CHD9: variants seen among roughly 807,000 people sequenced by gnomAD.
The protein encoded by CHD9 is chromodomain helicase DNA binding protein 9.
In CHD9, 77 loss-of-function variants were observed where a neutral mutation model predicts 316.1. That is an observed-to-expected ratio of 0.24 (90% CI 0.20 to 0.29). The LOEUF (loss-of-function observed/expected upper bound fraction) is 0.29. Among genes scored for constraint, CHD9 ranks in the 10% least tolerant of loss-of-function variants. The probability of loss-of-function intolerance (pLI) is 1.00; values close to 1 mark genes in which losing one functional copy is unlikely to be tolerated. For synonymous variants in CHD9, 1,129 were observed against 1,158.3 expected, an observed-to-expected ratio of 0.97 and a Z score of 0.51; for missense variants, 2,763 against 3,438.1, an observed-to-expected ratio of 0.80 and a Z score of 4.91.
chr16:53,204,043 A>AT, intron 2 of CHD9, among the ~76,000 whole-genome samples: 1 of 104,930 alleles, frequency 9.5e-6, no homozygotes, highest in African/African-American at 3.6e-5. Flanking sequence ...AAAAAAAAAA[A>AT]AAAAAATATA....
intron 2 of CHD9, among the ~76,000 whole-genome samples, chr16:53,174,668 G>A (rs772168040): frequency 3.3e-5 from 5 of 152,084 alleles, no homozygotes; most frequent in African/African-American, 4.8e-5. Context: ...GAGTGCAGTG[G>A]CGCGATCATG....
At chr16:53,227,522 C>A in intron 6 of CHD9, 26 bp from the exon 7 acceptor site, 2 of 1,475,088 alleles carry the variant, frequency 1.4e-6, no homozygotes, top group South Asian at 2.6e-5. Flanking sequence ...TTAAAAGAGT[C>A]ACCATTACTG....
At chr16:53,105,289 T>C (rs540916515) in intron 1 of CHD9, among the ~76,000 whole-genome samples, 8 of 152,336 alleles carry the variant, frequency 5.3e-5, no homozygotes, top group African/African-American at 1.9e-4. Context: ...AATTTCAGTT[T>C]CTTATGGGCC....
intron 1 of CHD9, among the ~76,000 whole-genome samples, chr16:53,063,338 T>G (rs2033132598): frequency 6.7e-6 from 1 of 148,650 alleles, no homozygotes; most frequent in Admixed American, 6.8e-5. Context: ...ATTGCAGAAT[T>G]ATGCTGCTTC....
intron 2 of CHD9, among the ~76,000 whole-genome samples, chr16:53,197,689 C>T (rs1220824506): frequency 4.0e-5 from 6 of 149,760 alleles, no homozygotes; most frequent in Non-Finnish European, 7.4e-5. Flanking sequence ...TGGAGTCTCG[C>T]TGTATCACCC....
chr16:53,090,383 G>A (rs1344366175), intron 1 of CHD9, among the ~76,000 whole-genome samples: 3 of 152,204 alleles, frequency 2.0e-5, no homozygotes, highest in African/African-American at 7.2e-5. Context: ...TGTGGACAGT[G>A]AGAGTGAAGA....
intron 2 of CHD9, among the ~76,000 whole-genome samples, chr16:53,182,144 G>T (rs2043579961): frequency 6.6e-6 from 1 of 152,176 alleles, no homozygotes; most frequent in African/African-American, 2.4e-5. Flanking sequence ...TGGTCATTAT[G>T]TCATAGTATT....
intron 27 of CHD9, among the ~76,000 whole-genome samples, 192 bp downstream of exon 27, chr16:53,288,206 T>A (rs146453876): frequency 6.6e-6 from 1 of 152,346 alleles, no homozygotes; most frequent in Non-Finnish European, 1.5e-5. Context: ...TGATCTCCCC[T>A]TTTAGACAAG....
intron 1 of CHD9, among the ~76,000 whole-genome samples, chr16:53,077,264 A>G (rs2152526843): frequency 6.6e-6 from 1 of 151,684 alleles, no homozygotes; most frequent in South Asian, 2.1e-4. Context: ...TTGGGATCAC[A>G]GGTGAGAGCC....
intron 4 of CHD9, among the ~76,000 whole-genome samples, chr16:53,225,923 T>G (rs1317438366): frequency 6.6e-6 from 1 of 152,034 alleles, no homozygotes; most frequent in African/African-American, 2.4e-5. Flanking sequence ...GTGAAATTAT[T>G]AATAGTTTAA....
At chr16:53,218,749 A>G (rs547100235) in intron 3 of CHD9, among the ~76,000 whole-genome samples, 2 of 152,312 alleles carry the variant, frequency 1.3e-5, no homozygotes, top group African/African-American at 4.8e-5. Flanking sequence ...TTTAAGCAAT[A>G]TATGAAGGGT....
chr16:53,091,212 G>T lies in CHD9; in HGVS notation c.-165+36135G>T, dbSNP rs145717588. On this transcript the variant is annotated intron_variant, in intron 1 of 38. Transcript: ENST00000447540. ...CCTGGGAAGGGAAAGGCCTTCTCCA[G>T]CATTCCCCATCCAGTGGTTGGCTGA... Among the ~76,000 whole-genome samples the T allele has an allele frequency of 3.9e-5, 6 of 152,318 alleles. 1 individual carries two copies. The highest frequency in any genetic ancestry group is 3.3e-4 in the Admixed American group (5 of 15,304).
At chr16:53,210,290 CAAAA>C (rs5816890) in intron 3 of CHD9, among the ~76,000 whole-genome samples, 3 of 112,172 alleles carry the variant, frequency 2.7e-5, no homozygotes, top group Non-Finnish European at 3.9e-5. Flanking sequence ...AATGAAATGG[CAAAA>C]AAAAAAAAAA....
intron 3 of CHD9, among the ~76,000 whole-genome samples, chr16:53,212,779 GTA>G (rs1477734681): frequency 6.6e-6 from 1 of 152,116 alleles, no homozygotes; most frequent in Non-Finnish European, 1.5e-5. Flanking sequence ...TACAAGCAGT[GTA>G]ATCCTGTACA....
intron 2 of CHD9, among the ~76,000 whole-genome samples, chr16:53,190,442 T>C (rs2044388963): frequency 6.6e-6 from 1 of 152,032 alleles, no homozygotes; most frequent in Admixed American, 6.6e-5. Flanking sequence ...GAGGAGGAAA[T>C]ACAAGGCTGC....
At chr16:53,111,069 G>A (rs562332724) in intron 1 of CHD9, among the ~76,000 whole-genome samples, 1 of 152,250 alleles carries the variant, frequency 6.6e-6, no homozygotes, top group South Asian at 2.1e-4. Context: ...GAGTAGTCCT[G>A]GCAGAATGGA....
chr16:53,272,951 T>C (rs372145116), intron 22 of CHD9, among the ~76,000 whole-genome samples: 23 of 152,152 alleles, frequency 1.5e-4, no homozygotes, highest in South Asian at 8.3e-4. Context: ...TAGCCAGGCG[T>C]GGTGGCGCAT....
intron 3 of CHD9, among the ~76,000 whole-genome samples, chr16:53,214,352 T>C (rs1389014890): frequency 6.6e-6 from 1 of 152,180 alleles, no homozygotes; most frequent in Non-Finnish European, 1.5e-5. Context: ...TATGAAGCCC[T>C]GCTTGCAAGG....
Position 53,235,250 on chromosome 16 carries a change from A to C in CHD9, c.2577A>C (p.Gln859His). The change falls in exon 11 of 39, where the codon CAA becomes CAC. Residue 859 changes from glutamine to histidine, a missense_variant. Gln to His is a conservative substitution (Grantham distance 24, BLOSUM62 0). Transcript: ENST00000447540. ...CCAGGGACTATAAAAATGGCAATCA[A>C]CTCAGGGAATATCAACTGGAAGGAC... ...DQSRDYKNGN[Q>H]LREYQLEGLN... 2 of 1,549,162 alleles carry C rather than the reference A, an allele frequency of 1.3e-6. No individual in the cohort carries two copies. The highest frequency in any genetic ancestry group is 8.7e-7 in the Non-Finnish European group (1 of 1,144,010).
Sources: allele counts gnomAD v4.1 joint callset (sites outside exome capture counted in the v4.1 genomes callset), GRCh38; gene constraint gnomAD v4.1.1; transcripts MANE v1.5; gene names NCBI Gene and HGNC (gene_info 2026-07-23, HGNC 2026-07-21).